RBFOX1: variants seen among roughly 807,000 people sequenced by gnomAD.
RBFOX1 encodes the protein RNA binding protein fox-1 homolog 1.
RBFOX1 carries 8 observed loss-of-function variants against 57.7 expected under a neutral mutation model. The observed-to-expected ratio is 0.14, with a 90% CI of 0.08 to 0.25. RBFOX1 has a LOEUF of 0.25. Ranked by LOEUF, RBFOX1 falls within the 10% of genes least tolerant of loss-of-function variation. The pLI is 1.00. For synonymous variants in RBFOX1, 326 were observed against 222.4 expected, an observed-to-expected ratio of 1.47 and a Z score of -4.15; for missense variants, 611 against 548.5, an observed-to-expected ratio of 1.11 and a Z score of -1.14.
At chr16:6,625,122 G>A (rs1254926682) in intron 2 of RBFOX1, among the ~76,000 whole-genome samples, 2 of 123,698 alleles carry the variant, frequency 1.6e-5, no homozygotes, top group Non-Finnish European at 3.1e-5. Flanking sequence ...TCAAGATCGT[G>A]CCATTGCACT....
At chr16:5,441,930 G>C (rs1328525723) in intron 1 of RBFOX1, among the ~76,000 whole-genome samples, 1 of 152,100 alleles carries the variant, frequency 6.6e-6, no homozygotes, top group East Asian at 1.9e-4. Context: ...TGGGGATTAT[G>C]GGAACTACAA....
chr16:6,613,018 T>TGTGTGTGTGTGTGTGTGTGA (rs1170231100), intron 2 of RBFOX1, among the ~76,000 whole-genome samples: 2 of 148,518 alleles, frequency 1.3e-5, no homozygotes, highest in African/African-American at 5.0e-5. Context: ...TGTGTGTGTG[T>TGTGTGTGTGTGTGTGTGTGA]GTGTGTGTGT....
At chr16:6,785,592 A>T (rs892861646) in intron 3 of RBFOX1, among the ~76,000 whole-genome samples, 22 of 152,208 alleles carry the variant, frequency 1.4e-4, no homozygotes, top group African/African-American at 5.1e-4. Context: ...TTTCCATTAA[A>T]TAAGCTATTT....
chr16:7,038,189 G>A (rs1054538022), intron 3 of RBFOX1, among the ~76,000 whole-genome samples: 14 of 152,216 alleles, frequency 9.2e-5, no homozygotes, highest in African/African-American at 3.4e-4. Context: ...ATAGGGTAAC[G>A]ATGGTCCCAG....
At position 6,701,135 on chromosome 16, in the gene RBFOX1, A is replaced by ACGTGTGTGTGTGTGTG. The variant is rs1555706825; in HGVS notation, c.-16+46485_-16+46486insCGTGTGTGTGTGTGTG. 3.2e-3 allele frequency among the ~76,000 whole-genome samples: 471 copies of ACGTGTGTGTGTGTGTG among 149,210 alleles called. 5 individuals carry two copies. In the East Asian group the frequency reaches 0.054, roughly 17 times the overall value. On this transcript the variant is annotated intron_variant, in intron 3 of 15. Transcript: ENST00000550418. ...AGTTTATCAGTGTCTCTGTGTGTGT[A>ACGTGTGTGTGTGTGTG]TGTGTGTGTGTGTGTGTGTGTGTTT...
At chr16:7,365,545 G>C (rs967102274) in intron 4 of RBFOX1, among the ~76,000 whole-genome samples, 2 of 152,206 alleles carry the variant, frequency 1.3e-5, no homozygotes, top group African/African-American at 4.8e-5. Context: ...TGTCTCAATT[G>C]TGTAGAGTGA....
At chr16:7,402,995 G>C (rs1407497276) in intron 4 of RBFOX1, among the ~76,000 whole-genome samples, 1 of 152,126 alleles carries the variant, frequency 6.6e-6, no homozygotes, top group Non-Finnish European at 1.5e-5. Flanking sequence ...GAAGGAGGAG[G>C]TGAACCTGGA....
intron 3 of RBFOX1, among the ~76,000 whole-genome samples, chr16:6,719,041 A>G (rs1457042700): frequency 1.3e-5 from 2 of 151,692 alleles, no homozygotes; most frequent in African/African-American, 2.4e-5. Context: ...AAATTTTTAT[A>G]TTTTTTGTAC....
At chr16:6,191,767 C>T (rs1244643158) in intron 1 of RBFOX1, among the ~76,000 whole-genome samples, 1 of 151,950 alleles carries the variant, frequency 6.6e-6, no homozygotes, top group Non-Finnish European at 1.5e-5. Context: ...TATGACTTAC[C>T]GAAAATCTTA....
chr16:5,567,482 G>C (rs930714232), intron 2 of RBFOX1, among the ~76,000 whole-genome samples: 26 of 152,212 alleles, frequency 1.7e-4, no homozygotes, highest in African/African-American at 6.0e-4. Context: ...GAAGCATCCA[G>C]CGGGTCACCA....
intron 2 of RBFOX1, among the ~76,000 whole-genome samples, chr16:6,450,765 G>A (rs58075419): frequency 0.047 from 911 of 19,402 alleles, 80 homozygotes; most frequent in African/African-American, 0.11. Context: ...ATATATATAT[G>A]TGTATATATA....
chr16:5,524,879 C>T (rs4786036), intron 2 of RBFOX1, among the ~76,000 whole-genome samples: 73,336 of 151,820 alleles, frequency 0.48, 20,900 homozygotes, highest in East Asian at 0.96. Context: ...GTGCTACTTA[C>T]TCAGGGGAGC....
At chr16:7,338,589 C>T (rs1159081356) in intron 4 of RBFOX1, among the ~76,000 whole-genome samples, 1 of 152,078 alleles carries the variant, frequency 6.6e-6, no homozygotes, top group Non-Finnish European at 1.5e-5. Flanking sequence ...GATGAGGTCT[C>T]ATTATGTTGG....
At chr16:6,871,284 A>G (rs1492371) in intron 3 of RBFOX1, among the ~76,000 whole-genome samples, 3 of 151,938 alleles carry the variant, frequency 2.0e-5, no homozygotes, top group Admixed American at 6.6e-5. Flanking sequence ...CTCCTGGGTT[A>G]AAGTGATTTT....
chr16:5,723,848 T>C (rs572733846), intron 3 of RBFOX1, among the ~76,000 whole-genome samples: 7 of 152,338 alleles, frequency 4.6e-5, no homozygotes, highest in Admixed American at 1.3e-4. Context: ...GACTGGACCT[T>C]GCACCATTGT....
chr16:6,937,678 G>A (rs900438378), intron 3 of RBFOX1, among the ~76,000 whole-genome samples: 3 of 152,098 alleles, frequency 2.0e-5, no homozygotes, highest in African/African-American at 4.8e-5. Context: ...GGGCTTCCAC[G>A]TTATTGGCAA....
At chr16:5,479,767 C>G (rs1034687998) in intron 2 of RBFOX1, among the ~76,000 whole-genome samples, 1 of 151,482 alleles carries the variant, frequency 6.6e-6, no homozygotes, top group Non-Finnish European at 1.5e-5. Flanking sequence ...CCTCACCCCC[C>G]GCAAAAAAAG....
At chr16:5,536,560 C>A (rs1453218333) in intron 2 of RBFOX1, among the ~76,000 whole-genome samples, 1 of 152,050 alleles carries the variant, frequency 6.6e-6, no homozygotes, top group Non-Finnish European at 1.5e-5. Context: ...CTGCACACCA[C>A]AAAGAAAGCC....
intron 1 of RBFOX1, among the ~76,000 whole-genome samples, chr16:6,202,970 C>G (rs2097225194): frequency 6.6e-6 from 1 of 151,836 alleles, no homozygotes; most frequent in Non-Finnish European, 1.5e-5. Flanking sequence ...AGATGGGGTT[C>G]TCACTTTGTT....
Sources: gnomAD v4.1 joint callset for allele counts (sites outside exome capture counted in the v4.1 genomes callset) on GRCh38, gnomAD v4.1.1 for gene constraint, MANE v1.5 for transcripts, NCBI Gene and HGNC (gene_info 2026-07-23, HGNC 2026-07-21) for gene names.